Variants in SHISA2 observed in about 807,000 individuals in gnomAD.
SHISA2 encodes protein shisa-2 homolog.
In SHISA2, 16 loss-of-function variants were observed where a neutral mutation model predicts 23.8. The observed-to-expected ratio is 0.67, with a 90% confidence interval of 0.46 to 1.02. The LOEUF (loss-of-function observed/expected upper bound fraction) is 1.02. SHISA2 is among the 50% of genes least tolerant of loss of function. SHISA2 has a pLI of 0.00. For synonymous variants in SHISA2, 201 were observed against 178.6 expected, an observed-to-expected ratio of 1.13 and a Z score of -1.00; for missense variants, 459 against 420.1, an observed-to-expected ratio of 1.09 and a Z score of -0.81.
Position 26,046,516 on chromosome 13 carries a change from TAC to T in SHISA2, c.883_884del (p.Val295IlefsTer47). ...GGAACCCACCAGTGACTCTCGGTTA[TAC>T]AGTCACCGCTGGGTACATCTTCTGT... is the stretch of plus-strand genomic sequence containing the variant. ...SEQKMYPAVTV is the reference protein window; with the variant it reads ...SEQKMYPAVTX On this transcript the variant is annotated frameshift_variant, in exon 2 of 2. Transcript: ENST00000319420. LOFTEE classifies it high-confidence loss of function. The T allele has an allele frequency of 6.3e-7, 1 of 1,595,240 alleles. No homozygotes were observed. Among genetic ancestry groups the T allele is most frequent in the Non-Finnish European group, 8.6e-7 (1 of 1,168,198 alleles).
chr13:26,049,231 G>C (rs1170225977), intron 1 of SHISA2, among the ~76,000 whole-genome samples: 1 of 152,172 alleles, frequency 6.6e-6, no homozygotes, highest in Non-Finnish European at 1.5e-5. Context: ...ACAGGGATAA[G>C]GAATGTAACG....
intron 1 of SHISA2, among the ~76,000 whole-genome samples, chr13:26,049,408 C>T (rs1353499981): frequency 1.3e-5 from 2 of 152,224 alleles, no homozygotes; most frequent in African/African-American, 4.8e-5. Context: ...GAAGTCCCGA[C>T]TAATCCAAAG....
In SHISA2 at chr13:26,046,899, G is replaced by T; in HGVS notation, c.502C>A (p.Pro168Thr). Reference protein sequence around the residue: ...NRLMETIPMIPSASTSRGSSS... With the variant: ...NRLMETIPMITSASTSRGSSS... ...GACCCCCGGGAGGTGCTGGCACTGG[G>T]GATCATGGGGATGGTCTCCATCAAG... Residue 168 changes from proline (P) to threonine (T), a missense_variant, in exon 2 of 2, where the codon CCC becomes ACC. Physicochemically the swap from Pro to Thr is conservative, Grantham distance 38 (BLOSUM62 -1). Transcript: ENST00000319420. 1 of 1,613,608 alleles carries T rather than the reference G, an allele frequency of 6.2e-7. No individual in the cohort carries two copies. Among genetic ancestry groups the T allele is most frequent in the Non-Finnish European group, 8.5e-7 (1 of 1,179,762 alleles).
intron 1 of SHISA2, 91 bp from the exon 2 acceptor site, chr13:26,047,157 A>G (rs1957274552): frequency 7.6e-7 from 1 of 1,312,150 alleles, no homozygotes; most frequent in Admixed American, 2.9e-5. Context: ...TGAATGAGCA[A>G]CACTGATACC....
At chr13:26,047,271 G>A (rs1360507801) in intron 1 of SHISA2, among the ~76,000 whole-genome samples, 3 of 152,298 alleles carry the variant, frequency 2.0e-5, no homozygotes, top group Admixed American at 1.3e-4. Flanking sequence ...GACCCTACAG[G>A]CATGGCAGGT....
In SHISA2 at chr13:26,051,418, G is replaced by A. The variant is rs1027552339; in HGVS notation, c.-443C>T. ...GGGTTTAAGCCTCAGGGTCCCGCGC[G>A]CGAATCAGGGCCCGTCTCCCCTCCT... is the stretch of plus-strand genomic sequence containing the variant. On this transcript the variant is annotated 5_prime_UTR_variant, in exon 1 of 2. Coordinates refer to ENST00000319420, the MANE Select transcript of SHISA2 (RefSeq NM_001007538.2). Among the ~76,000 whole-genome samples, 1 of 152,194 alleles carries A rather than the reference G, an allele frequency of 6.6e-6. No homozygotes were observed. Among genetic ancestry groups the A allele is most frequent in the Non-Finnish European group, 1.5e-5 (1 of 68,026 alleles).
At chr13:26,047,445 C>T (rs1957275945) in intron 1 of SHISA2, among the ~76,000 whole-genome samples, 3 of 152,210 alleles carry the variant, frequency 2.0e-5, no homozygotes, top group Admixed American at 2.0e-4. Context: ...GTCTGCCCGA[C>T]CATATTGTTG....
At chr13:26,050,041 A>C (rs1359325637) in intron 1 of SHISA2, among the ~76,000 whole-genome samples, 2 of 152,172 alleles carry the variant, frequency 1.3e-5, no homozygotes, top group East Asian at 3.9e-4. Flanking sequence ...TCAAAGCCAC[A>C]AAGAGCAAGG....
At position 26,047,195 on chromosome 13, in the gene SHISA2, A is replaced by G. The variant is rs866998072; in HGVS notation, c.335-129T>C. The G allele has an allele frequency of 4.4e-5, 43 of 981,346 alleles. 1 individual carries two copies. The Middle Eastern group carries it at 1.6e-3, about 36-fold the overall frequency. 60.8% of individuals were successfully genotyped at this position (981,346 alleles called of 1,614,324 possible). ...CAGCTGAAGGACCTACACTGGGCTA[A>G]TTTGTTCACATATTAGGAGTCCATA... On this transcript the variant is annotated intron_variant, in intron 1 of 1. Transcript: ENST00000319420.
intron 1 of SHISA2, among the ~76,000 whole-genome samples, chr13:26,049,753 T>G (rs1346598069): frequency 1.3e-5 from 2 of 151,810 alleles, no homozygotes; most frequent in East Asian, 3.9e-4. Context: ...CTCAGGATGC[T>G]AGCGAAAAGC....
intron 1 of SHISA2, among the ~76,000 whole-genome samples, chr13:26,050,215 A>G (rs1285615418): frequency 6.6e-6 from 1 of 152,124 alleles, no homozygotes; most frequent in Non-Finnish European, 1.5e-5. Context: ...AGCCCTGAGG[A>G]GCTGCCTTCC....
In SHISA2 at chr13:26,046,802, G is replaced by C. The variant is rs1242948746; in HGVS notation, c.599C>G (p.Thr200Arg). ...SANSGARAPP[T>R]RSQTNCCLPE... ...CAAGCAACAGTTGGTCTGTGACCTT[G>C]TTGGGGGCGCCCGGGCCCCTGAGTT... is the stretch of plus-strand genomic sequence containing the variant. Residue 200 changes from threonine (T) to arginine (R), a missense_variant, in exon 2 of 2, where the codon ACA becomes AGA. Physicochemically the swap from Thr to Arg is moderately conservative, Grantham distance 71. Transcript: ENST00000319420. The C allele has an allele frequency of 1.2e-6, 2 of 1,614,112 alleles. No individual in the cohort carries two copies. The highest frequency in any genetic ancestry group is 2.2e-5 in the East Asian group (1 of 44,894).
chr13:26,050,959 C>A lies in SHISA2; in HGVS notation c.17G>T (p.Arg6Leu). 2 of 1,512,086 alleles carry A rather than the reference C, an allele frequency of 1.3e-6. No homozygotes were observed. Among genetic ancestry groups the A allele is most frequent in the Non-Finnish European group, 1.8e-6 (2 of 1,137,648 alleles). The allele number at this position is 1,512,086 out of a possible 1,614,324, so 93.7% of individuals were successfully genotyped here. MWGAR[R>L]SSVSSSWNAA... ...GTTCCAGGATGAGGAGACGGACGAG[C>A]GGCGAGCGCCCCACATGGCACCACC... The change falls in exon 1 of 2, where the codon CGC (arginine) becomes CTC (leucine). Residue 6 changes from arginine to leucine, a missense_variant. By Grantham distance (102) the Arg-to-Leu change is moderately radical. Coordinates refer to ENST00000319420, the MANE Select transcript of SHISA2 (RefSeq NM_001007538.2).
At position 26,046,796 on chromosome 13, in the gene SHISA2, G is replaced by C. The variant is rs1331035137; in HGVS notation, c.605C>G (p.Ser202Ter). 6.2e-7 allele frequency: 1 copy of C among 1,614,224 alleles called. No homozygotes were observed. Reference protein sequence around the residue: ...NSGARAPPTRSQTNCCLPEGT... With the variant: ...NSGARAPPTR ...TTCCGGCAAGCAACAGTTGGTCTGTGACCTTGTTGGGGGCGCCCGGGCCCC... is the reference window on the plus strand; with the variant it reads ...TTCCGGCAAGCAACAGTTGGTCTGTCACCTTGTTGGGGGCGCCCGGGCCCC... The change falls in exon 2 of 2, where the codon TCA (serine) becomes TGA (stop). Residue 202 changes from serine (S) to a stop codon, truncating the protein, a stop_gained. Coordinates refer to ENST00000319420, the MANE Select transcript of SHISA2 (RefSeq NM_001007538.2). LOFTEE classifies it high-confidence loss of function.
chr13:26,050,437 G>A (rs1285810536), intron 1 of SHISA2, among the ~76,000 whole-genome samples: 2 of 152,224 alleles, frequency 1.3e-5, no homozygotes, highest in Non-Finnish European at 1.5e-5. Context: ...TTAACTCTAA[G>A]CCACCCTTTG....
In SHISA2 at chr13:26,046,775, G is replaced by A. The variant is rs1027575187; in HGVS notation, c.626C>T (p.Pro209Leu). The A allele has an allele frequency of 7.4e-6, 12 of 1,614,172 alleles. No individual in the cohort carries two copies. The highest frequency in any genetic ancestry group is 4.5e-5 in the East Asian group (2 of 44,876). The change falls in exon 2 of 2, where the codon CCG becomes CTG. Residue 209 changes from proline to leucine, a missense_variant. Physicochemically the swap from Pro to Leu is moderately conservative, Grantham distance 98. Coordinates refer to ENST00000319420, the MANE Select transcript of SHISA2 (RefSeq NM_001007538.2). ...PTRSQTNCCL[P>L]EGTMNNVYVN... ...ATACACGTTGTTCATGGTCCCTTCC[G>A]GCAAGCAACAGTTGGTCTGTGACCT... is the stretch of plus-strand genomic sequence containing the variant.
rs1417793783 is a variant in SHISA2 at position 26,050,799 on chromosome 13, G to A, written c.177C>T (p.Asp59=). 1 of 1,528,594 alleles carries A rather than the reference G, an allele frequency of 6.5e-7. No individual in the cohort carries two copies. The highest frequency in any genetic ancestry group is 1.2e-5 in the South Asian group (1 of 83,012). The allele number at this position is 1,528,594 out of a possible 1,614,324, so 94.7% of individuals were successfully genotyped here. The change falls in exon 1 of 2, where the codon GAC becomes GAT. Residue 59 remains aspartate, a synonymous_variant. Coordinates refer to ENST00000319420, the MANE Select transcript of SHISA2 (RefSeq NM_001007538.2). The part of the protein sequence containing the change: ...RIGFQCPERF[D]GGDATICCGS... ...CGCAGCAGATGGTGGCGTCGCCGCC[G>A]TCGAAGCGCTCGGGACACTGGAAGC... is the stretch of plus-strand genomic sequence containing the variant.
rs1957267443 is a variant in SHISA2 at position 26,046,391 on chromosome 13, G to A, written c.*122C>T. 3.1e-6 allele frequency: 3 copies of A among 955,908 alleles called. No homozygotes were observed. The highest frequency in any genetic ancestry group is 1.7e-5 in the African/African-American group (1 of 60,538). 59.2% of individuals were successfully genotyped at this position (955,908 alleles called of 1,614,324 possible). ...GGAGATGTTTTCATACAGTCTGGGG[G>A]CAAATGAAGCCATCCAAAGGAATCG... On this transcript the variant is annotated 3_prime_UTR_variant, in exon 2 of 2. Coordinates refer to ENST00000319420, the MANE Select transcript of SHISA2 (RefSeq NM_001007538.2).
rs920722565 is a variant in SHISA2, at chr13:26,051,428, G to A, written c.-453C>T. On this transcript the variant is annotated 5_prime_UTR_variant, in exon 1 of 2. Coordinates refer to ENST00000319420, the MANE Select transcript of SHISA2 (RefSeq NM_001007538.2). Reference sequence around the variant, plus strand: ...CTCAGGGTCCCGCGCGCGAATCAGGGCCCGTCTCCCCTCCTTTATTCCCTC... The same window carrying A: ...CTCAGGGTCCCGCGCGCGAATCAGGACCCGTCTCCCCTCCTTTATTCCCTC... Among the ~76,000 whole-genome samples the A allele has an allele frequency of 6.6e-6, 1 of 152,178 alleles. No individual in the cohort carries two copies. Among genetic ancestry groups the A allele is most frequent in the Non-Finnish European group, 1.5e-5 (1 of 68,032 alleles).
Sources: allele counts gnomAD v4.1 joint callset (sites outside exome capture counted in the v4.1 genomes callset), GRCh38; gene constraint gnomAD v4.1.1; transcripts MANE v1.5; gene names NCBI Gene and HGNC (gene_info 2026-07-23, HGNC 2026-07-21).